Variants in TOP1 observed in about 807,000 individuals in gnomAD.
The protein encoded by TOP1 is DNA topoisomerase I, also known as DNA topoisomerase 1.
A neutral mutation model predicts 111.1 loss-of-function variants in TOP1; 10 were observed. The observed-to-expected ratio is 0.09, with a 90% CI of 0.06 to 0.15. The LOEUF is 0.15. Among genes scored for constraint, TOP1 ranks in the 10% least tolerant of loss-of-function variants. The probability of loss-of-function intolerance (pLI) is 1.00; values close to 1 mark genes in which losing one functional copy is unlikely to be tolerated. For synonymous variants in TOP1, 271 were observed against 302.9 expected (o/e 0.89, Z 1.10); for missense variants, 474 against 926.7 (o/e 0.51, Z 6.34).
In TOP1 at chr20:41,067,072, G is replaced by A. The variant is rs575705741; in HGVS notation, c.155+5582G>A. Among the ~76,000 whole-genome samples, 3 of 152,228 alleles carry A rather than the reference G, an allele frequency of 2.0e-5. No homozygotes were observed. In the East Asian group the frequency reaches 5.8e-4, roughly 29 times the overall value. ...TCTTGTTTTGATGTCTACTGACACA[G>A]TACCTCTTTGCAACAAAGCAAGGAT... On this transcript the variant is annotated intron_variant, in intron 3 of 20. Coordinates refer to ENST00000361337, the MANE Select transcript of TOP1 (RefSeq NM_003286.4). The surrounding 1 kb of genome is among the most constrained non-coding windows in gnomAD (Gnocchi z 4.0).
chr20:41,118,203 T>C lies in TOP1; in HGVS notation c.1857T>C (p.Tyr619=), dbSNP rs760574227. The change falls in exon 18 of 21, where the codon TAT becomes TAC. Residue 619 remains tyrosine (Y), a synonymous_variant. Transcript: ENST00000361337. The surrounding 1 kb of genome is among the most constrained non-coding windows in gnomAD (Gnocchi z 4.6). ...ACATCCCAGCGAAGATCCTTTCTTA[T>C]AACCGTGCCAATCGAGCTGTTGCAA... The part of the protein sequence containing the change: ...DENIPAKILS[Y]NRANRAVAIL... The C allele has an allele frequency of 1.4e-5, 22 of 1,614,074 alleles. No homozygotes were observed. Among genetic ancestry groups the C allele is most frequent in the Non-Finnish European group, 1.9e-5 (22 of 1,180,014 alleles).
At chr20:41,041,809 A>G (rs1440673838) in intron 2 of TOP1, among the ~76,000 whole-genome samples, 5 of 152,152 alleles carry the variant, frequency 3.3e-5, no homozygotes, top group African/African-American at 7.2e-5. Flanking sequence ...GAACTTTACT[A>G]TCTTATTTGG....
intron 2 of TOP1, among the ~76,000 whole-genome samples, chr20:41,051,808 T>A (rs1458956486): frequency 1.3e-5 from 2 of 152,096 alleles, no homozygotes; most frequent in African/African-American, 4.8e-5. Context: ...CTGCCTCAAA[T>A]GCACATATAC....
In TOP1 at chr20:41,115,355, C is replaced by A; in HGVS notation, c.1639-16C>A. The A allele has an allele frequency of 6.3e-7, 1 of 1,578,612 alleles. No individual in the cohort carries two copies. The highest frequency in any genetic ancestry group is 8.7e-7 in the Non-Finnish European group (1 of 1,149,718). On this transcript the variant is annotated splice_polypyrimidine_tract_variant and intron_variant, in intron 15 of 20. Transcript: ENST00000361337. The surrounding 1 kb of genome is among the most constrained non-coding windows in gnomAD (Gnocchi z 6.3). ...TTTTTCAAGAGTAATAATTAGGATTCACTTATATCTTTTAGGTTTTTAAGA... is the reference window on the plus strand; with the variant it reads ...TTTTTCAAGAGTAATAATTAGGATTAACTTATATCTTTTAGGTTTTTAAGA...
In TOP1 at chr20:41,092,031, C is replaced by T. The variant is rs1568693916; in HGVS notation, c.615-441C>T. Among the ~76,000 whole-genome samples the T allele has an allele frequency of 6.6e-6, 1 of 152,140 alleles. No homozygotes were observed. The highest frequency in any genetic ancestry group is 1.5e-5 in the Non-Finnish European group (1 of 68,032). On this transcript the variant is annotated intron_variant, in intron 8 of 20. Transcript: ENST00000361337. The surrounding 1 kb of genome is among the most constrained non-coding windows in gnomAD (Gnocchi z 4.3). ...AAGCTATCATTTCCTAGTCGTCTTC[C>T]TTTATGTCCTTTCTCATAGGGTTGT...
rs2033671332 is a variant in TOP1 at position 41,071,738 on chromosome 20, CT to C, written c.156-4432del. On this transcript the variant is annotated intron_variant, in intron 3 of 20. Transcript: ENST00000361337. This position sits in a 1 kb window ranked among gnomAD's most constrained non-coding sequence, Gnocchi z 4.3. ...GTGGCTTTGGATCTTTCCATTTGTTCTCTTTAGCGCTGACTTTTGCTTTCTA... is the reference window on the plus strand; with the variant it reads ...GTGGCTTTGGATCTTTCCATTTGTTCCTTTAGCGCTGACTTTTGCTTTCTA... Among the ~76,000 whole-genome samples, 2 of 152,190 alleles carry C rather than the reference CT, an allele frequency of 1.3e-5. No homozygotes were observed. Among genetic ancestry groups the C allele is most frequent in the Non-Finnish European group, 2.9e-5 (2 of 68,030 alleles).
rs1298824233 is a variant in TOP1, at chr20:41,102,785, GT to G, written c.1308+1436del. 6.6e-6 allele frequency among the ~76,000 whole-genome samples: 1 copy of G among 152,162 alleles called. No individual in the cohort carries two copies. Among genetic ancestry groups the G allele is most frequent in the Non-Finnish European group, 1.5e-5 (1 of 68,036 alleles). On this transcript the variant is annotated intron_variant, in intron 13 of 20. Coordinates refer to ENST00000361337, the MANE Select transcript of TOP1 (RefSeq NM_003286.4). This position sits in a 1 kb window ranked among gnomAD's most constrained non-coding sequence, Gnocchi z 4.0. Reference sequence around the variant, plus strand: ...TGGCTACAAAAGCAGAAAAATAATAGTTTTAGCCCTTAAGGAACTTATAGGC... The same window carrying G: ...TGGCTACAAAAGCAGAAAAATAATAGTTTAGCCCTTAAGGAACTTATAGGC...
intron 8 of TOP1, among the ~76,000 whole-genome samples, chr20:41,091,177 T>G (rs1047138908): frequency 6.6e-6 from 1 of 152,224 alleles, no homozygotes; most frequent in African/African-American, 2.4e-5. Context: ...ATATTGGACT[T>G]GTTCCATGGC....
chr20:41,110,198 T>C lies in TOP1; in HGVS notation c.1309-2584T>C, dbSNP rs958190937. On this transcript the variant is annotated intron_variant, in intron 13 of 20. Coordinates refer to ENST00000361337, the MANE Select transcript of TOP1 (RefSeq NM_003286.4). This position sits in a 1 kb window ranked among gnomAD's most constrained non-coding sequence, Gnocchi z 4.2. ...TATTCAGGAGGCTGAGACATGGGAA[T>C]CGCTTGAACCTGAGGGGTAGAGGTT... Among the ~76,000 whole-genome samples the C allele has an allele frequency of 3.2e-4, 48 of 152,140 alleles. No homozygotes were observed. Among genetic ancestry groups the C allele is most frequent in the African/African-American group, 1.1e-3 (46 of 41,480 alleles).
chr20:41,105,532 C>T (rs1388460620), intron 13 of TOP1, among the ~76,000 whole-genome samples: 1 of 152,192 alleles, frequency 6.6e-6, no homozygotes. Flanking sequence ...TGTCTTCGCT[C>T]TGTCACCCAG....
In TOP1 at chr20:41,112,973, G is replaced by T; in HGVS notation, c.1452+48G>T. Reference sequence around the variant, plus strand: ...ATTGTCTAGTGTTGAGCTTAACAAAGGGAGTTTCTGCTCTGCCCCAGGCCC... The same window carrying T: ...ATTGTCTAGTGTTGAGCTTAACAAATGGAGTTTCTGCTCTGCCCCAGGCCC... On this transcript the variant is annotated intron_variant, in intron 14 of 20. Transcript: ENST00000361337. This position sits in a 1 kb window ranked among gnomAD's most constrained non-coding sequence, Gnocchi z 5.8. 6.3e-7 allele frequency: 1 copy of T among 1,590,446 alleles called. No individual in the cohort carries two copies.
At chr20:41,038,063 A>G (rs896212000) in intron 2 of TOP1, among the ~76,000 whole-genome samples, 1 of 152,222 alleles carries the variant, frequency 6.6e-6, no homozygotes, top group Non-Finnish European at 1.5e-5. Context: ...TCAGTATACA[A>G]GGAATGTGCC....
In TOP1 at chr20:41,080,120, G is replaced by A. The variant is rs2145937627; in HGVS notation, c.371G>A (p.Gly124Asp). 1 of 1,611,458 alleles carries A rather than the reference G, an allele frequency of 6.2e-7. No homozygotes were observed. Among genetic ancestry groups the A allele is most frequent in the Non-Finnish European group, 8.5e-7 (1 of 1,178,896 alleles). Residue 124 changes from glycine (G) to aspartate (D), a missense_variant, in exon 6 of 21, where the codon GGC becomes GAC. This residue lies in a region of TOP1 where 185 missense variants were observed against 226.3 expected (regional missense o/e 0.82). Coordinates refer to ENST00000361337, the MANE Select transcript of TOP1 (RefSeq NM_003286.4). This position sits in a 1 kb window ranked among gnomAD's most constrained non-coding sequence, Gnocchi z 5.0. ...PQIKDEPEDD[G>D]YFVPPKEDIK... ...ATTAAAGATGAACCTGAAGATGATG[G>A]CTATTTTGTTCCTCCTAAAGAGGAT...
rs1057160720 is a variant in TOP1, at chr20:41,071,406, G to C, written c.156-4765G>C. Among the ~76,000 whole-genome samples the C allele has an allele frequency of 6.6e-6, 1 of 151,540 alleles. No individual in the cohort carries two copies. Among genetic ancestry groups the C allele is most frequent in the Non-Finnish European group, 1.5e-5 (1 of 67,934 alleles). On this transcript the variant is annotated intron_variant, in intron 3 of 20. Transcript: ENST00000361337. This position sits in a 1 kb window ranked among gnomAD's most constrained non-coding sequence, Gnocchi z 4.3. ...TATCGCCAGGCTGGAGTGCAGTGGCGTGATCTCGGCTCACTGCAGCCTCTG... is the reference window on the plus strand; with the variant it reads ...TATCGCCAGGCTGGAGTGCAGTGGCCTGATCTCGGCTCACTGCAGCCTCTG...
Position 41,061,303 on chromosome 20 carries a change from T to C in TOP1, c.59-91T>C. On this transcript the variant is annotated intron_variant, in intron 2 of 20. Coordinates refer to ENST00000361337, the MANE Select transcript of TOP1 (RefSeq NM_003286.4). This position sits in a 1 kb window ranked among gnomAD's most constrained non-coding sequence, Gnocchi z 4.6. Reference sequence around the variant, plus strand: ...TATGCCTACCATGCCATTTGAATCCTGTCATTGTACTTCTTGACCAGCTTG... The same window carrying C: ...TATGCCTACCATGCCATTTGAATCCCGTCATTGTACTTCTTGACCAGCTTG... 8.0e-7 allele frequency: 1 copy of C among 1,247,050 alleles called. No individual in the cohort carries two copies. The highest frequency in any genetic ancestry group is 1.1e-6 in the Non-Finnish European group (1 of 878,452). 77.2% of individuals were successfully genotyped at this position (1,247,050 alleles called of 1,614,324 possible).
rs968049511 is a variant in TOP1 at position 41,100,136 on chromosome 20, C to T, written c.1056C>T (p.Asn352=). The T allele has an allele frequency of 3.5e-5, 57 of 1,613,844 alleles. No individual in the cohort carries two copies. The highest frequency in any genetic ancestry group is 4.7e-5 in the Non-Finnish European group (56 of 1,179,880). ...ATAACCACAAAGAGAGGATTGCTAA[C>T]TTCAAGATAGAGCCTCCTGGACTTT... ...IMDNHKERIA[N]FKIEPPGLFR... The change falls in exon 12 of 21, where the codon AAC becomes AAT. Residue 352 remains asparagine, a synonymous_variant. Coordinates refer to ENST00000361337, the MANE Select transcript of TOP1 (RefSeq NM_003286.4). This position sits in a 1 kb window ranked among gnomAD's most constrained non-coding sequence, Gnocchi z 4.4.
rs967976023 is a variant in TOP1, at chr20:41,115,527, G to T, written c.1707+88G>T. ...GGGAGGGTTGCTGGCAGATGACTTG[G>T]GCTCTCCCTTTAGCCTGGCCTGCTC... is the stretch of plus-strand genomic sequence containing the variant. On this transcript the variant is annotated intron_variant, in intron 16 of 20. Transcript: ENST00000361337. This position sits in a 1 kb window ranked among gnomAD's most constrained non-coding sequence, Gnocchi z 6.3. 1 of 1,010,252 alleles carries T rather than the reference G, an allele frequency of 9.9e-7. No homozygotes were observed. Among genetic ancestry groups the T allele is most frequent in the Middle Eastern group, 2.2e-4 (1 of 4,488 alleles). 62.6% of individuals were successfully genotyped at this position (1,010,252 alleles called of 1,614,324 possible).
Position 41,113,722 on chromosome 20 carries a change from A to T in TOP1, c.1453-248A>T, listed in dbSNP as rs547842029. 5.0e-4 allele frequency among the ~76,000 whole-genome samples: 75 copies of T among 151,412 alleles called. 1 individual carries two copies. In the South Asian group the frequency reaches 6.1e-3, roughly 12 times the overall value. ...CCATCTCTACTAAAAATACAAAAAA[A>T]AAAAAAAAAATAAAAATTGGCGTGG... is the stretch of plus-strand genomic sequence containing the variant. On this transcript the variant is annotated intron_variant, in intron 14 of 20. Transcript: ENST00000361337.
At chr20:41,039,742 A>C (rs2033236675) in intron 2 of TOP1, among the ~76,000 whole-genome samples, 1 of 152,070 alleles carries the variant, frequency 6.6e-6, no homozygotes. Flanking sequence ...CCCCGTCTCT[A>C]CTAAAAATAC....
Sources: gnomAD v4.1 joint callset for allele counts (sites outside exome capture counted in the v4.1 genomes callset) on GRCh38, gnomAD v4.1.1 for gene constraint, gnomAD v4.1.1 regional missense constraint, Gnocchi (gnomAD v3.1) non-coding constraint, MANE v1.5 for transcripts, NCBI Gene and HGNC (gene_info 2026-07-23, HGNC 2026-07-21) for gene names.